ST8SIA4: variants seen among roughly 807,000 people sequenced by gnomAD.
ST8SIA4 encodes ST8 alpha-N-acetyl-neuraminide alpha-2,8-sialyltransferase 4, also known as CMP-N-acetylneuraminate-poly-alpha-2,8-sialyltransferase.
A neutral mutation model predicts 33.9 loss-of-function variants in ST8SIA4; 15 were observed. The ratio of observed to expected loss-of-function variants is 0.44; its 90% CI spans 0.30 to 0.68. The LOEUF (loss-of-function observed/expected upper bound fraction) is 0.68. ST8SIA4 is among the 30% of genes least tolerant of loss of function. The pLI, the probability that ST8SIA4 is intolerant of heterozygous loss-of-function variation, is 0.10. For synonymous variants in ST8SIA4, 171 were observed against 151.2 expected (o/e 1.13, Z -0.96); for missense variants, 321 against 428.0 (o/e 0.75, Z 2.21).
intron 4 of ST8SIA4, 150 bp from the exon 5 acceptor site, chr5:100,812,279 GA>G (rs1177639372): frequency 1.7e-5 from 11 of 637,494 alleles, no homozygotes; most frequent in Admixed American, 3.6e-5. Flanking sequence ...TAAGCATTTA[GA>G]AAATTTGATG....
At chr5:100,839,215 G>T (rs1333119897) in intron 4 of ST8SIA4, among the ~76,000 whole-genome samples, 2 of 151,852 alleles carry the variant, frequency 1.3e-5, no homozygotes, top group Admixed American at 1.3e-4. Flanking sequence ...CTTGTTTTCT[G>T]GGTAAATACA....
intron 3 of ST8SIA4, among the ~76,000 whole-genome samples, chr5:100,864,022 A>G: frequency 6.6e-6 from 1 of 152,206 alleles, no homozygotes; most frequent in Non-Finnish European, 1.5e-5. Flanking sequence ...TTCTCCTTGG[A>G]GACTTGAATG....
intron 4 of ST8SIA4, among the ~76,000 whole-genome samples, chr5:100,818,711 A>T (rs1317105354): frequency 6.6e-6 from 1 of 152,180 alleles, no homozygotes; most frequent in African/African-American, 2.4e-5. Flanking sequence ...TTTCTACAGA[A>T]GCTCTTCATA....
chr5:100,870,494 A>G (rs1217033876), intron 3 of ST8SIA4, among the ~76,000 whole-genome samples: 2 of 152,200 alleles, frequency 1.3e-5, no homozygotes, highest in Admixed American at 6.5e-5. Flanking sequence ...CGAGAGTGCC[A>G]ACATCAATGT....
Position 100,840,342 on chromosome 5 carries a change from G to A in ST8SIA4, c.797+15761C>T, listed in dbSNP as rs559644861. ...TGTATGTGTGTCTATTTATATATAT[G>A]TGTGTGTATATACATACATATGCAC... On this transcript the variant is annotated intron_variant, in intron 4 of 4. Coordinates refer to ENST00000231461, the MANE Select transcript of ST8SIA4 (RefSeq NM_005668.6). Among the ~76,000 whole-genome samples the A allele has an allele frequency of 2.5e-4, 38 of 151,862 alleles. No homozygotes were observed. In the South Asian group the frequency reaches 7.9e-3, roughly 32 times the overall value.
chr5:100,868,475 T>C (rs1752125331), intron 3 of ST8SIA4, among the ~76,000 whole-genome samples: 1 of 152,014 alleles, frequency 6.6e-6, no homozygotes, highest in African/African-American at 2.4e-5. Flanking sequence ...ACAGGGACTG[T>C]CAACTTTATC....
At chr5:100,902,369 G>GA (rs376758136) in intron 1 of ST8SIA4, among the ~76,000 whole-genome samples, 37,418 of 145,482 alleles carry the variant, frequency 0.26, 5,703 homozygotes, top group Non-Finnish European at 0.35. Context: ...ACGTCAAATA[G>GA]AAAAAAAAAA....
intron 4 of ST8SIA4, among the ~76,000 whole-genome samples, chr5:100,835,516 G>T (rs1407359229): frequency 6.6e-6 from 1 of 152,058 alleles, no homozygotes; most frequent in African/African-American, 2.4e-5. Context: ...TTACAGTATT[G>T]CTATTACTGG....
At chr5:100,843,717 T>C (rs920368734) in intron 4 of ST8SIA4, among the ~76,000 whole-genome samples, 1 of 151,942 alleles carries the variant, frequency 6.6e-6, no homozygotes, top group Admixed American at 6.6e-5. Context: ...TGAATGAAGA[T>C]GCAATGTATG....
intron 3 of ST8SIA4, among the ~76,000 whole-genome samples, chr5:100,872,919 G>T (rs1308350167): frequency 1.3e-5 from 2 of 150,172 alleles, no homozygotes; most frequent in Non-Finnish European, 3.0e-5. Context: ...GAGCTCCAGC[G>T]TGCCTAGGGC....
intron 4 of ST8SIA4, among the ~76,000 whole-genome samples, chr5:100,819,118 T>C (rs751090793): frequency 3.3e-5 from 5 of 152,222 alleles, no homozygotes; most frequent in African/African-American, 4.8e-5. Context: ...TATTATAATA[T>C]ACACAATAGA....
At chr5:100,844,452 T>C (rs1418350703) in intron 4 of ST8SIA4, among the ~76,000 whole-genome samples, 2 of 151,896 alleles carry the variant, frequency 1.3e-5, no homozygotes, top group Non-Finnish European at 1.5e-5. Context: ...ACCCTGGCTA[T>C]TTGGGACACA....
At chr5:100,832,696 C>T (rs1199931144) in intron 4 of ST8SIA4, among the ~76,000 whole-genome samples, 2 of 151,986 alleles carry the variant, frequency 1.3e-5, no homozygotes, top group Non-Finnish European at 2.9e-5. Flanking sequence ...AACAAATTAA[C>T]CTCTAAAATG....
chr5:100,839,307 A>G (rs1751426559), intron 4 of ST8SIA4, among the ~76,000 whole-genome samples: 1 of 152,036 alleles, frequency 6.6e-6, no homozygotes, highest in African/African-American at 2.4e-5. Context: ...CTTATAAATA[A>G]TATGGCACAC....
rs921304194 is a variant in ST8SIA4 at position 100,851,466 on chromosome 5, C to T, written c.797+4637G>A. ...TCCATCAAACAAGATTGGTTAAATA[C>T]ATTATAGAAAAGTATATAATGGAAT... On this transcript the variant is annotated intron_variant, in intron 4 of 4. Transcript: ENST00000231461. 4.0e-5 allele frequency among the ~76,000 whole-genome samples: 6 copies of T among 151,594 alleles called. No homozygotes were observed. In the South Asian group the frequency reaches 8.3e-4, roughly 21 times the overall value.
At chr5:100,849,374 G>A (rs1027003556) in intron 4 of ST8SIA4, 6 of 985,202 alleles carry the variant, frequency 6.1e-6, no homozygotes, top group Non-Finnish European at 7.2e-6. Context: ...AAATTTCTGC[G>A]TAATTCTTCA....
At chr5:100,881,499 G>A (rs1467923514) in intron 3 of ST8SIA4, among the ~76,000 whole-genome samples, 1 of 151,906 alleles carries the variant, frequency 6.6e-6, no homozygotes, top group Admixed American at 6.6e-5. Context: ...TAGTTATCTA[G>A]GCAAGGAATT....
chr5:100,856,560 G>A (rs1299611303), intron 3 of ST8SIA4, among the ~76,000 whole-genome samples, 164 bp from the exon 4 acceptor site: 1 of 152,106 alleles, frequency 6.6e-6, no homozygotes, highest in East Asian at 1.9e-4. Flanking sequence ...ATAAGTCTCC[G>A]CACGTGCAGG....
In ST8SIA4 at chr5:100,808,495, C is replaced by T. The variant is rs1016845958; in HGVS notation, c.*3352G>A. 1 of 152,522 alleles carries T rather than the reference C, an allele frequency of 6.6e-6. No homozygotes were observed. Among genetic ancestry groups the T allele is most frequent in the Non-Finnish European group, 1.5e-5 (1 of 68,034 alleles). The allele number at this position is 152,522 out of a possible 1,614,324, so 9.4% of individuals were successfully genotyped here. ...TGAATAATAATGATGAAAATGTTTC[C>T]ATGGTCTATTCATGTCAACAGCACA... On this transcript the variant is annotated 3_prime_UTR_variant, in exon 5 of 5. Coordinates refer to ENST00000231461, the MANE Select transcript of ST8SIA4 (RefSeq NM_005668.6).
Sources: gnomAD v4.1 joint callset for allele counts (sites outside exome capture counted in the v4.1 genomes callset) on GRCh38, gnomAD v4.1.1 for gene constraint, MANE v1.5 for transcripts, NCBI Gene and HGNC (gene_info 2026-07-23, HGNC 2026-07-21) for gene names.